RNLS: variants seen among roughly 807,000 people sequenced by gnomAD.
RNLS encodes renalase, FAD dependent amine oxidase, also known as renalase.
Under a neutral mutation model 39.8 loss-of-function variants are expected in RNLS, and 39 were observed. The ratio of observed to expected loss-of-function variants is 0.98; its 90% CI spans 0.76 to 1.28. The LOEUF is 1.28. RNLS is among the 50% of genes most tolerant of loss of function. The pLI, the probability that RNLS is intolerant of heterozygous loss-of-function variation, is 0.00. For missense variants in RNLS, 410 were observed against 413.3 expected (o/e 0.99, Z 0.07); for synonymous variants, 147 against 150.7 (o/e 0.98, Z 0.18).
chr10:88,402,302 T>C (rs547980812), intron 4 of RNLS, among the ~76,000 whole-genome samples: 3 of 152,076 alleles, frequency 2.0e-5, no homozygotes, highest in African/African-American at 7.2e-5. Context: ...GATGAAAGTA[T>C]GCCAGAGAGA....
chr10:88,333,047 A>G (rs1847225831), intron 5 of RNLS, among the ~76,000 whole-genome samples: 1 of 152,148 alleles, frequency 6.6e-6, no homozygotes. Flanking sequence ...TGCCTGTATG[A>G]CTTTAGGCTG....
At chr10:88,178,928 C>T in the RNLS span, among the ~76,000 whole-genome samples, 1 of 152,154 alleles carries the variant, frequency 6.6e-6, no homozygotes, top group Non-Finnish European at 1.5e-5. Flanking sequence ...AGTGGCTATT[C>T]ACTCACTGAG....
chr10:88,172,340 T>G, the RNLS span, among the ~76,000 whole-genome samples: 1 of 151,984 alleles, frequency 6.6e-6, no homozygotes, highest in African/African-American at 2.4e-5. Context: ...GCATTTGATA[T>G]TTTTTTTGTC....
the RNLS span, among the ~76,000 whole-genome samples, chr10:88,200,015 G>T: frequency 6.6e-6 from 1 of 152,182 alleles, no homozygotes; most frequent in Admixed American, 6.5e-5. Context: ...TGTTGTCCCA[G>T]CTACCCAGGA....
At chr10:88,343,332 T>G (rs1848089451) in intron 5 of RNLS, among the ~76,000 whole-genome samples, 1 of 151,444 alleles carries the variant, frequency 6.6e-6, no homozygotes, top group South Asian at 2.1e-4. Context: ...GGTTTCAGAT[T>G]GCATATTGTG....
intron 4 of RNLS, among the ~76,000 whole-genome samples, chr10:88,410,955 T>C (rs1198882239): frequency 6.6e-6 from 1 of 152,176 alleles, no homozygotes; most frequent in Non-Finnish European, 1.5e-5. Flanking sequence ...GCCATGGAAA[T>C]GCACATGGAC....
chr10:88,224,311 C>A, the RNLS span, among the ~76,000 whole-genome samples: 1 of 152,138 alleles, frequency 6.6e-6, no homozygotes, highest in Non-Finnish European at 1.5e-5. Context: ...TTCATCTTAA[C>A]CACCTCCTAA....
At chr10:88,316,246 A>C (rs1321287892) in intron 5 of RNLS, among the ~76,000 whole-genome samples, 4 of 152,200 alleles carry the variant, frequency 2.6e-5, no homozygotes, top group Non-Finnish European at 4.4e-5. Flanking sequence ...TAGAGGGGCC[A>C]TCTCTTTGAA....
intron 6 of RNLS, among the ~76,000 whole-genome samples, chr10:88,313,027 T>C (rs1397945329): frequency 6.6e-6 from 1 of 152,196 alleles, no homozygotes; most frequent in Non-Finnish European, 1.5e-5. Context: ...GTAAATATAG[T>C]GAGATAATTT....
intron 4 of RNLS, among the ~76,000 whole-genome samples, chr10:88,422,740 C>A (rs1854481706): frequency 6.6e-6 from 1 of 150,540 alleles, no homozygotes; most frequent in Non-Finnish European, 1.5e-5. Flanking sequence ...ATAGTTATTG[C>A]CATTTTTCCA....
chr10:88,399,837 C>T (rs985168222), intron 4 of RNLS, among the ~76,000 whole-genome samples: 4 of 151,980 alleles, frequency 2.6e-5, no homozygotes, highest in Non-Finnish European at 5.9e-5. Context: ...AATTTATTTT[C>T]TTAGAGTTCT....
chr10:88,322,411 T>A (rs1386371529), intron 5 of RNLS, among the ~76,000 whole-genome samples: 1 of 152,104 alleles, frequency 6.6e-6, no homozygotes, highest in Non-Finnish European at 1.5e-5. Context: ...CAAATTGTAA[T>A]CCCCATGTGT....
the RNLS span, among the ~76,000 whole-genome samples, chr10:88,207,206 A>G: frequency 1.3e-5 from 2 of 152,186 alleles, no homozygotes; most frequent in African/African-American, 2.4e-5. Context: ...TTAAAAACGT[A>G]TGTTACTGAA....
intron 5 of RNLS, among the ~76,000 whole-genome samples, chr10:88,360,029 T>C (rs886572268): frequency 6.6e-6 from 1 of 152,244 alleles, no homozygotes; most frequent in Admixed American, 6.5e-5. Context: ...AGATGTTACA[T>C]CATTCTCTAA....
At position 88,362,607 on chromosome 10, in the gene RNLS, G is replaced by A. The variant is rs927223465; in HGVS notation, c.645C>T (p.Ile215=). ...CGAAGCGTATGCAGGGATTACTGGT[G>A]ATGTACTGCCCAGCCCAAGGGACAT... is the stretch of plus-strand genomic sequence containing the variant. ...KIDVPWAGQY[I]TSNPCIRFVS... Residue 215 remains isoleucine, a synonymous_variant, in exon 5 of 7, where the codon ATC becomes ATT. Coordinates refer to ENST00000331772, the MANE Select transcript of RNLS (RefSeq NM_001031709.3). 1.2e-6 allele frequency: 2 copies of A among 1,613,810 alleles called. No homozygotes were observed. The highest frequency in any genetic ancestry group is 1.3e-5 in the African/African-American group (1 of 74,888).
chr10:88,517,030 A>G (rs2134178283), intron 4 of RNLS, among the ~76,000 whole-genome samples: 1 of 152,108 alleles, frequency 6.6e-6, no homozygotes, highest in Admixed American at 6.6e-5. Flanking sequence ...TATTCTATCT[A>G]TATTATGATA....
intron 4 of RNLS, among the ~76,000 whole-genome samples, chr10:88,472,647 C>T (rs1460991417): frequency 6.6e-6 from 1 of 152,152 alleles, no homozygotes; most frequent in African/African-American, 2.4e-5. Context: ...TTCATATAGT[C>T]ACATTCATAT....
the RNLS span, among the ~76,000 whole-genome samples, chr10:88,203,343 T>A: frequency 9.7e-5 from 1 of 10,282 alleles, no homozygotes; most frequent in Non-Finnish European, 2.0e-4. Flanking sequence ...TATACACGTA[T>A]GTGTATATAT....
the RNLS span, among the ~76,000 whole-genome samples, chr10:88,201,193 A>C: frequency 6.6e-5 from 10 of 152,298 alleles, no homozygotes; most frequent in Admixed American, 2.0e-4. Flanking sequence ...GTGTTGGTAG[A>C]TTTAATTATG....
Sources: gnomAD v4.1 joint callset for allele counts (sites outside exome capture counted in the v4.1 genomes callset) on GRCh38, gnomAD v4.1.1 for gene constraint, MANE v1.5 for transcripts, NCBI Gene and HGNC (gene_info 2026-07-23, HGNC 2026-07-21) for gene names.